Variants in PLCE1 observed in about 807,000 individuals in gnomAD.
The protein encoded by PLCE1 is phospholipase C epsilon 1, also known as 1-phosphatidylinositol 4,5-bisphosphate phosphodiesterase epsilon-1.
Under a neutral mutation model 242.8 loss-of-function variants are expected in PLCE1, and 119 were observed. The ratio of observed to expected loss-of-function variants is 0.49; its 90% CI spans 0.42 to 0.57. The LOEUF (loss-of-function observed/expected upper bound fraction) is 0.57. Among genes scored for constraint, PLCE1 ranks in the 20% least tolerant of loss-of-function variants. The pLI, the probability that PLCE1 is intolerant of heterozygous loss-of-function variation, is 0.00. For missense variants in PLCE1, 2,441 were observed against 2,788.8 expected, an observed-to-expected ratio of 0.88 and a Z score of 2.81; for synonymous variants, 945 against 1,017.4, an observed-to-expected ratio of 0.93 and a Z score of 1.35.
At position 94,328,006 on chromosome 10, in the gene PLCE1, G is replaced by T. The variant is rs1322104106; in HGVS notation, c.*63G>T. On this transcript the variant is annotated 3_prime_UTR_variant, in exon 33 of 33. Transcript: ENST00000371380. Reference sequence around the variant, plus strand: ...AGCAAGAAGTTAAAGAGTGAACATGGTGGAAAAAATATAATTATTTTCATC... The same window carrying T: ...AGCAAGAAGTTAAAGAGTGAACATGTTGGAAAAAATATAATTATTTTCATC... 7.5e-6 allele frequency: 4 copies of T among 531,558 alleles called. No individual in the cohort carries two copies. The highest frequency in any genetic ancestry group is 1.5e-5 in the Non-Finnish European group (4 of 259,078). The allele number at this position is 531,558 out of a possible 1,614,324, so 32.9% of individuals were successfully genotyped here.
chr10:94,145,896 C>G (rs2047097483), intron 3 of PLCE1, among the ~76,000 whole-genome samples: 1 of 152,014 alleles, frequency 6.6e-6, no homozygotes, highest in Non-Finnish European at 1.5e-5. Context: ...TGGTTGGGTT[C>G]TTCCTGGGAG....
chr10:94,286,296 A>T (rs1357738574), intron 22 of PLCE1, among the ~76,000 whole-genome samples: 1 of 152,122 alleles, frequency 6.6e-6, no homozygotes, highest in Non-Finnish European at 1.5e-5. Context: ...ACCTGGTCTC[A>T]CACAGTGCCT....
intron 2 of PLCE1, among the ~76,000 whole-genome samples, chr10:94,080,931 G>T (rs2044636670): frequency 6.6e-6 from 1 of 152,218 alleles, no homozygotes; most frequent in Non-Finnish European, 1.5e-5. Flanking sequence ...AACAGTTGAA[G>T]CTCCTACTCT....
At chr10:94,192,978 A>T (rs550372771) in intron 4 of PLCE1, among the ~76,000 whole-genome samples, 7 of 152,344 alleles carry the variant, frequency 4.6e-5, no homozygotes, top group African/African-American at 1.7e-4. Context: ...AGTGTCCATA[A>T]ATACAATTTT....
rs1218682538 is a variant in PLCE1, at chr10:94,157,753, C to A, written c.1493-13427C>A. Among the ~76,000 whole-genome samples, 3 of 152,210 alleles carry A rather than the reference C, an allele frequency of 2.0e-5. No homozygotes were observed. In the East Asian group the frequency reaches 5.8e-4, roughly 29 times the overall value. On this transcript the variant is annotated intron_variant, in intron 3 of 32. Coordinates refer to ENST00000371380, the MANE Select transcript of PLCE1 (RefSeq NM_016341.4). Reference sequence around the variant, plus strand: ...AGTTCCTTCCAACTCAGGCATTCAGCCCAAGTCCTGCCTCATTCACCCTCT... The same window carrying A: ...AGTTCCTTCCAACTCAGGCATTCAGACCAAGTCCTGCCTCATTCACCCTCT...
chr10:93,997,360 T>C (rs962872120), intron 1 of PLCE1, among the ~76,000 whole-genome samples: 1 of 152,214 alleles, frequency 6.6e-6, no homozygotes, highest in Non-Finnish European at 1.5e-5. Flanking sequence ...GGCATATGCA[T>C]TTTTACCATT....
At chr10:94,113,202 C>T (rs1455486757) in intron 2 of PLCE1, among the ~76,000 whole-genome samples, 2 of 150,642 alleles carry the variant, frequency 1.3e-5, no homozygotes, top group Non-Finnish European at 2.9e-5. Context: ...ATATTAAAAA[C>T]TATTGACTTG....
At chr10:94,239,454 A>G (rs1428403168) in intron 7 of PLCE1, among the ~76,000 whole-genome samples, 3 of 152,158 alleles carry the variant, frequency 2.0e-5, no homozygotes, top group Admixed American at 2.0e-4. Flanking sequence ...ACCGTCCACC[A>G]TGATTGTAAG....
At chr10:94,162,953 T>C (rs2047666963) in intron 3 of PLCE1, among the ~76,000 whole-genome samples, 1 of 152,198 alleles carries the variant, frequency 6.6e-6, no homozygotes, top group Non-Finnish European at 1.5e-5. Context: ...AGTTTCCATG[T>C]AGTTGAGTGG....
chr10:94,167,401 T>C (rs1009275471), intron 3 of PLCE1, among the ~76,000 whole-genome samples: 16 of 152,244 alleles, frequency 1.1e-4, no homozygotes, highest in African/African-American at 3.6e-4. Flanking sequence ...CTATGCTTAT[T>C]GTTTATGTCC....
At chr10:94,254,051 T>G in intron 9 of PLCE1, 139 bp from the exon 10 acceptor site, 1 of 759,860 alleles carries the variant, frequency 1.3e-6, no homozygotes, top group Non-Finnish European at 2.4e-6. Context: ...CGGTCAGCCT[T>G]AATGTAGGTC....
intron 2 of PLCE1, among the ~76,000 whole-genome samples, chr10:94,049,449 GTGGGCCTTCTC>G (rs1306526580): frequency 2.6e-5 from 4 of 152,048 alleles, no homozygotes; most frequent in African/African-American, 9.7e-5. Flanking sequence ...CCATACATGT[GTGGGCCTTCTC>G]TGAGCCCTTT....
intron 2 of PLCE1, chr10:94,087,993 C>G (rs1194798206): frequency 1.3e-5 from 2 of 152,244 alleles, no homozygotes; most frequent in African/African-American, 4.8e-5. Flanking sequence ...GCTTTGCACA[C>G]CCTTTTGCAG....
chr10:94,123,379 T>C (rs535560839), intron 2 of PLCE1, among the ~76,000 whole-genome samples: 3 of 152,340 alleles, frequency 2.0e-5, no homozygotes, highest in African/African-American at 7.2e-5. Flanking sequence ...TTCTGGTTAA[T>C]TCGCCTGGTT....
Position 94,031,794 on chromosome 10 carries a change from C to G in PLCE1, c.748C>G (p.Gln250Glu). 6.2e-7 allele frequency: 1 copy of G among 1,613,758 alleles called. No homozygotes were observed. Among genetic ancestry groups the G allele is most frequent in the Non-Finnish European group, 8.5e-7 (1 of 1,179,870 alleles). Residue 250 changes from glutamine to glutamate, a missense_variant, in exon 2 of 33, where the codon CAG (glutamine) becomes GAG (glutamate). Transcript: ENST00000371380. ...CAAAAATTGTGATAATAAGAATGAG[C>G]AGCTGCAGTGTGATCATTGTGACAC... ...LAKNCDNKNEQLQCDHCDTLN... is the reference protein window; with the variant it reads ...LAKNCDNKNEELQCDHCDTLN...
chr10:94,204,470 C>T (rs2049082211), intron 4 of PLCE1, among the ~76,000 whole-genome samples: 1 of 152,012 alleles, frequency 6.6e-6, no homozygotes, highest in African/African-American at 2.4e-5. Flanking sequence ...AGTTCAAGAT[C>T]ATCCTGGCCA....
At chr10:94,023,720 G>A (rs1413085595) in intron 1 of PLCE1, among the ~76,000 whole-genome samples, 4 of 152,106 alleles carry the variant, frequency 2.6e-5, no homozygotes, top group Non-Finnish European at 5.9e-5. Flanking sequence ...TTATCAATGT[G>A]TTAGTTCAAA....
Position 94,298,478 on chromosome 10 carries a change from A to AT in PLCE1, c.5268dup (p.Ile1757TyrfsTer6). On this transcript the variant is annotated frameshift_variant, in exon 24 of 33. Transcript: ENST00000371380. LOFTEE classifies it high-confidence loss of function. This position sits in a 1 kb window ranked among gnomAD's most constrained non-coding sequence, Gnocchi z 5.2. ...ATCATTAGAACTCCCAAATGTTATC[A>AT]TATCTCGTCGCTGAATGAAAATGCC... The AT allele has an allele frequency of 6.2e-7, 1 of 1,614,084 alleles. No homozygotes were observed. The highest frequency in any genetic ancestry group is 8.5e-7 in the Non-Finnish European group (1 of 1,179,992).
intron 4 of PLCE1, among the ~76,000 whole-genome samples, chr10:94,195,719 A>G (rs1205460908): frequency 6.6e-6 from 1 of 152,202 alleles, no homozygotes; most frequent in African/African-American, 2.4e-5. Flanking sequence ...AGATGATGCT[A>G]ATCATTATCT....
Sources: gnomAD v4.1 joint callset for allele counts (sites outside exome capture counted in the v4.1 genomes callset) on GRCh38, gnomAD v4.1.1 for gene constraint, Gnocchi (gnomAD v3.1) non-coding constraint, MANE v1.5 for transcripts, NCBI Gene and HGNC (gene_info 2026-07-23, HGNC 2026-07-21) for gene names.